The following PRH1 variants were observed in gnomAD, a reference collection of about 807,000 sequenced individuals.
PRH1 encodes salivary acidic proline-rich phosphoprotein 1/2.
Under a neutral mutation model 7.9 loss-of-function variants are expected in PRH1, and 7 were observed. That is an observed-to-expected ratio of 0.89 (90% CI 0.50 to 1.67). The LOEUF (loss-of-function observed/expected upper bound fraction) is 1.67. PRH1 is among the 40% of genes most tolerant of loss of function. The probability of loss-of-function intolerance (pLI) is 0.00; values close to 1 mark genes in which losing one functional copy is unlikely to be tolerated. For synonymous variants in PRH1, 45 were observed against 80.8 expected (o/e 0.56, Z 2.38); for missense variants, 109 against 223.6 (o/e 0.49, Z 3.27).
At chr12:10,914,739 T>A (rs1591673957) in intron 2 of PRH1, among the ~76,000 whole-genome samples, 2 of 152,140 alleles carry the variant, frequency 1.3e-5, no homozygotes, top group South Asian at 4.1e-4. Context: ...AAAAAATATA[T>A]CAGAAAGAAG....
At chr12:11,047,289 C>G, upstream of PRH1, 1 of 264,828 alleles carries the variant, frequency 3.8e-6, no homozygotes, top group Non-Finnish European at 8.0e-6. Context: ...TTCCTATCAT[C>G]AATATATAGA....
At chr12:10,932,695 C>G (rs1467214835) in intron 2 of PRH1, among the ~76,000 whole-genome samples, 4 of 152,058 alleles carry the variant, frequency 2.6e-5, no homozygotes, top group Non-Finnish European at 4.4e-5. Context: ...TCCCCAGAAG[C>G]CACTAGACCT....
At chr12:10,958,927 G>A (rs566435847) in intron 2 of PRH1, among the ~76,000 whole-genome samples, 8 of 152,244 alleles carry the variant, frequency 5.3e-5, no homozygotes, top group South Asian at 4.1e-4. Context: ...TCAAATTTGC[G>A]TTTTTACAGG....
intron 2 of PRH1, among the ~76,000 whole-genome samples, chr12:10,898,633 T>G (rs1242251159): frequency 6.6e-6 from 1 of 152,084 alleles, no homozygotes; most frequent in African/African-American, 2.4e-5. Flanking sequence ...CATACAGATA[T>G]AAAATATAGT....
chr12:11,001,849 T>C (rs1940610719), intron 1 of PRH1, among the ~76,000 whole-genome samples: 1 of 152,038 alleles, frequency 6.6e-6, no homozygotes, highest in South Asian at 2.1e-4. Flanking sequence ...ATAAACGTAA[T>C]TTATACTATT....
At chr12:11,162,253 G>A (rs1947439275) in intron 1 of PRH1, among the ~76,000 whole-genome samples, 1 of 152,124 alleles carries the variant, frequency 6.6e-6, no homozygotes, top group South Asian at 2.1e-4. Context: ...TCCAGGGCAG[G>A]CGACTCCACA....
At chr12:11,001,535 C>T (rs1940597408) in intron 1 of PRH1, among the ~76,000 whole-genome samples, 1 of 152,094 alleles carries the variant, frequency 6.6e-6, no homozygotes, top group Non-Finnish European at 1.5e-5. Context: ...CACCTCCTTG[C>T]CTCCTCCCAT....
At chr12:10,946,946 T>A (rs185804053) in intron 2 of PRH1, among the ~76,000 whole-genome samples, 1 of 152,310 alleles carries the variant, frequency 6.6e-6, no homozygotes, top group Non-Finnish European at 1.5e-5. Context: ...GCTTTAATAA[T>A]TTTCATTGTG....
In PRH1 at chr12:11,150,642, G is replaced by A. The variant is rs1416811291; in HGVS notation, n.39+20780C>T. Among the ~76,000 whole-genome samples the A allele has an allele frequency of 2.6e-5, 4 of 152,072 alleles. No individual in the cohort carries two copies. The East Asian group carries it at 7.7e-4, about 29-fold the overall frequency. ...CAATGAGAACACATGGACACAGGAA[G>A]GGGAACATCACATTCTGGGGACAGT... On this transcript the variant is annotated intron_variant and non_coding_transcript_variant, in intron 1 of 1. Coordinates refer to the PRH1 transcript ENST00000541175.
At chr12:11,075,134 G>T (rs201384630) in intron 1 of PRH1, among the ~76,000 whole-genome samples, 39,807 of 92,460 alleles carry the variant, frequency 0.43, 6,084 homozygotes, top group Non-Finnish European at 0.53. Context: ...TATACATTCA[G>T]TTGCATCACT....
intron 2 of PRH1, chr12:10,964,810 C>T (rs773829748): frequency 1.4e-5 from 8 of 565,272 alleles, no homozygotes; most frequent in African/African-American, 1.1e-4. Flanking sequence ...AGTTTGCAAG[C>T]GTGGTTACAG....
chr12:10,996,080 G>C (rs924293695), intron 1 of PRH1, among the ~76,000 whole-genome samples: 4 of 151,760 alleles, frequency 2.6e-5, no homozygotes, highest in Admixed American at 6.6e-5. Context: ...ACTTTGGGAG[G>C]CTGAGGCAGT....
At chr12:10,952,489 T>C (rs1937734600) in intron 2 of PRH1, among the ~76,000 whole-genome samples, 1 of 152,162 alleles carries the variant, frequency 6.6e-6, no homozygotes, top group Admixed American at 6.5e-5. Context: ...TTTTTTTAAA[T>C]ACAAAGTTGG....
intron 2 of PRH1, among the ~76,000 whole-genome samples, chr12:10,926,570 C>T (rs1950126480): frequency 6.6e-6 from 1 of 152,116 alleles, no homozygotes; most frequent in South Asian, 2.1e-4. Flanking sequence ...CTCTGATTGT[C>T]GTGAGGGAAC....
intron 1 of PRH1, among the ~76,000 whole-genome samples, chr12:10,978,767 AC>A (rs1219532314): frequency 6.8e-6 from 1 of 147,820 alleles, no homozygotes; most frequent in Non-Finnish European, 1.5e-5. Flanking sequence ...AAAGGCATAG[AC>A]AATTTTCAAG....
intron 1 of PRH1, among the ~76,000 whole-genome samples, chr12:11,015,076 G>A (rs1397263760): frequency 6.6e-6 from 1 of 152,076 alleles, no homozygotes; most frequent in Non-Finnish European, 1.5e-5. Context: ...GAGAGAAAAG[G>A]GTAGAAAACA....
intron 2 of PRH1, among the ~76,000 whole-genome samples, chr12:10,962,084 A>AT (rs1415874282): frequency 6.6e-6 from 1 of 152,226 alleles, no homozygotes; most frequent in African/African-American, 2.4e-5. Context: ...AAGAAATGTT[A>AT]TCACTTTAAT....
rs1471152576 is a variant in PRH1, at chr12:10,930,422, G to T, written c.-59+43233C>A. On this transcript the variant is annotated intron_variant, in intron 2 of 3. Coordinates refer to the PRH1 transcript ENST00000539853. ...AATTGGCTAATATCAGTGCCCCAGA[G>T]ATATAAACAGTTTTCTCCCAACCTT... The T allele has an allele frequency of 4.1e-6, 6 of 1,477,978 alleles. No homozygotes were observed. In the Admixed American group the frequency reaches 1.2e-4, roughly 29 times the overall value. 91.6% of individuals were successfully genotyped at this position (1,477,978 alleles called of 1,614,324 possible). A position where few individuals can be genotyped will look rare whatever the true frequency, so the allele number is the denominator to read the frequency against.
rs1945709487 is a variant in PRH1, at chr12:11,115,585, CA to C, written n.123+55836del. On this transcript the variant is annotated intron_variant and non_coding_transcript_variant, in intron 1 of 4. Coordinates refer to the PRH1 transcript ENST00000541977. ...TACATAACATTTCATCCAAAAGTTTCAGAATAAACATTCTTTTCCTCAGCAC... is the reference window on the plus strand; with the variant it reads ...TACATAACATTTCATCCAAAAGTTTCGAATAAACATTCTTTTCCTCAGCAC... 2.0e-5 allele frequency among the ~76,000 whole-genome samples: 3 copies of C among 152,174 alleles called. No individual in the cohort carries two copies. The South Asian group carries it at 6.2e-4, about 32-fold the overall frequency.
Sources: gnomAD v4.1 joint callset for allele counts (sites outside exome capture counted in the v4.1 genomes callset) on GRCh38, gnomAD v4.1.1 for gene constraint, MANE v1.5 for transcripts, NCBI Gene and HGNC (gene_info 2026-07-23, HGNC 2026-07-21) for gene names.